PCDHA8: variants seen among roughly 807,000 people sequenced by gnomAD.
The protein encoded by PCDHA8 is protocadherin alpha 8.
A neutral mutation model predicts 61.8 loss-of-function variants in PCDHA8; 53 were observed. The observed-to-expected ratio is 0.86, with a 90% CI of 0.69 to 1.08. The LOEUF (loss-of-function observed/expected upper bound fraction) is 1.08, where lower values mean the gene tolerates loss of function less well. PCDHA8 is among the 50% of genes least tolerant of loss of function. The pLI is 0.00. For missense variants in PCDHA8, 1,293 were observed against 1,245.0 expected (o/e 1.04, Z -0.58); for synonymous variants, 618 against 556.6 (o/e 1.11, Z -1.55).
At chr5:141,000,743 T>TAA (rs527867626) in intron 3 of PCDHA8, among the ~76,000 whole-genome samples, 3 of 145,408 alleles carry the variant, frequency 2.1e-5, no homozygotes, top group Admixed American at 6.9e-5. Context: ...CTCTGTATAT[T>TAA]AAAAAAAAAA....
chr5:140,851,678 C>T, intron 1 of PCDHA8: 1 of 917,638 alleles, frequency 1.1e-6, no homozygotes, highest in Non-Finnish European at 1.3e-6. Context: ...GAAATTTTCT[C>T]CATTCAGTGA....
intron 1 of PCDHA8, among the ~76,000 whole-genome samples, chr5:140,947,600 G>A (rs1328645188): frequency 1.3e-5 from 2 of 151,624 alleles, no homozygotes; most frequent in African/African-American, 4.8e-5. Flanking sequence ...ATTTAGGGAA[G>A]ATTTGGTATC....
Position 140,842,395 on chromosome 5 carries a change from T to C in PCDHA8, c.1074T>C (p.Pro358=). The C allele has an allele frequency of 6.2e-7, 1 of 1,611,538 alleles. No homozygotes were observed. Among genetic ancestry groups the C allele is most frequent in the Non-Finnish European group, 8.5e-7 (1 of 1,177,734 alleles). The change falls in exon 1 of 4, where the codon CCT becomes CCC. Residue 358 remains proline (P), a synonymous_variant. Coordinates refer to ENST00000531613, the MANE Select transcript of PCDHA8 (RefSeq NM_018911.3). ...TAGCACTGACTTCCTTATCCTTGCC[T>C]GTACGTGAAGACGCTCAATTTGGTA... ...PEIALTSLSL[P]VREDAQFGTV... is the part of the protein sequence containing the mutation.
At position 140,924,955 on chromosome 5, in the gene PCDHA8, T is replaced by C. The variant is rs571597374; in HGVS notation, c.2395-53994T>C. Among the ~76,000 whole-genome samples, 96 of 145,332 alleles carry C rather than the reference T, an allele frequency of 6.6e-4. 1 individual carries two copies. The South Asian group carries it at 0.02, about 30-fold the overall frequency. The stretch of plus-strand genomic sequence containing the variant: ...ATAAAATAAAAAGTTAAAAAAAAAA[T>C]GCAAGGTGAGTGCAGTGGCTCATGT... On this transcript the variant is annotated intron_variant, in intron 1 of 3. Transcript: ENST00000531613.
chr5:140,888,586 C>T (rs1408191600), intron 1 of PCDHA8, among the ~76,000 whole-genome samples: 1 of 152,154 alleles, frequency 6.6e-6, no homozygotes, highest in East Asian at 1.9e-4. Flanking sequence ...TTTGTTAGTA[C>T]ACATTCAGAG....
At chr5:140,894,652 A>G (rs578187402) in intron 1 of PCDHA8, among the ~76,000 whole-genome samples, 234 of 151,944 alleles carry the variant, frequency 1.5e-3, no homozygotes, top group African/African-American at 4.9e-3. Flanking sequence ...GAGTCTCTCT[A>G]ATTCTGATTT....
At chr5:140,868,823 G>A (rs576498570) in intron 1 of PCDHA8, 4 of 397,532 alleles carry the variant, frequency 1.0e-5, no homozygotes, top group South Asian at 6.7e-5. Context: ...ATATTTGGGG[G>A]AAGAAACCCA....
chr5:140,853,643 T>C, intron 1 of PCDHA8: 2 of 988,768 alleles, frequency 2.0e-6, no homozygotes, highest in Non-Finnish European at 2.4e-6. Flanking sequence ...AGACCTAAAT[T>C]GAGCCTGTTC....
At chr5:140,921,777 C>G (rs1434211783) in intron 1 of PCDHA8, among the ~76,000 whole-genome samples, 1 of 152,030 alleles carries the variant, frequency 6.6e-6, no homozygotes, top group Non-Finnish European at 1.5e-5. Flanking sequence ...TCAATACTGA[C>G]TTGGATGTTC....
intron 1 of PCDHA8, chr5:140,855,749 C>T (rs2043605580): frequency 3.1e-6 from 1 of 325,346 alleles, no homozygotes. Context: ...TAATGTGAGG[C>T]TTTGAAAGTC....
At position 140,884,762 on chromosome 5, in the gene PCDHA8, A is replaced by T. The variant is rs491169; in HGVS notation, c.2394+41047A>T. 4,163 of 1,423,128 alleles carry T rather than the reference A, an allele frequency of 2.9e-3. 95 individuals carry two copies. The African/African-American group carries it at 0.053, about 18-fold the overall frequency. 88.2% of individuals were successfully genotyped at this position (1,423,128 alleles called of 1,614,324 possible). A position where few individuals can be genotyped will look rare whatever the true frequency, so the allele number is the denominator to read the frequency against. On this transcript the variant is annotated intron_variant, in intron 1 of 3. Coordinates refer to ENST00000531613, the MANE Select transcript of PCDHA8 (RefSeq NM_018911.3). ...TCCTGCCAATTTCAAATTATTCTTT[A>T]CTTTAATTTTAATTTTGCTAGTTGT...
rs576230620 is a variant in PCDHA8 at position 140,948,680 on chromosome 5, T to C, written c.2395-30269T>C. 2.0e-5 allele frequency among the ~76,000 whole-genome samples: 3 copies of C among 151,762 alleles called. No homozygotes were observed. The South Asian group carries it at 6.2e-4, about 31-fold the overall frequency. On this transcript the variant is annotated intron_variant, in intron 1 of 3. Coordinates refer to ENST00000531613, the MANE Select transcript of PCDHA8 (RefSeq NM_018911.3). Reference sequence around the variant, plus strand: ...ATCTGTAGTGATAACATCTTTTTCATTTTTGATATTGGTGATTTGTGTTCT... The same window carrying C: ...ATCTGTAGTGATAACATCTTTTTCACTTTTGATATTGGTGATTTGTGTTCT...
At chr5:140,987,045 C>G (rs1344958949) in intron 3 of PCDHA8, among the ~76,000 whole-genome samples, 1 of 151,982 alleles carries the variant, frequency 6.6e-6, no homozygotes, top group Non-Finnish European at 1.5e-5. Flanking sequence ...GAAACCCCAT[C>G]TCTACTAAAG....
intron 1 of PCDHA8, chr5:140,967,306 C>A (rs1554229415): frequency 1.2e-6 from 2 of 1,612,350 alleles, no homozygotes; most frequent in Non-Finnish European, 1.7e-6. Context: ...TGGGCGCCAA[C>A]TCAGTACAGA....
chr5:140,993,462 TCACA>T (rs3836747), intron 3 of PCDHA8, among the ~76,000 whole-genome samples: 18,508 of 140,892 alleles, frequency 0.13, 1,341 homozygotes, highest in African/African-American at 0.21. Flanking sequence ...TCTTTCTTTC[TCACA>T]CACACACACA....
chr5:140,846,435 C>T (rs1355633400), intron 1 of PCDHA8, among the ~76,000 whole-genome samples: 1 of 133,632 alleles, frequency 7.5e-6, no homozygotes, highest in Non-Finnish European at 1.6e-5. Flanking sequence ...AATGCAGTGG[C>T]GCAATCTCGG....
intron 1 of PCDHA8, among the ~76,000 whole-genome samples, chr5:140,917,793 G>A (rs1405580492): frequency 6.6e-6 from 1 of 152,082 alleles, no homozygotes; most frequent in African/African-American, 2.4e-5. Flanking sequence ...TTTGGTTACT[G>A]TAGCCTTGCA....
intron 1 of PCDHA8, among the ~76,000 whole-genome samples, chr5:140,898,431 A>G (rs1482364069): frequency 6.6e-6 from 1 of 152,182 alleles, no homozygotes; most frequent in East Asian, 1.9e-4. Context: ...TCCCAGCACC[A>G]TTTATTAAAT....
chr5:141,008,654 C>T (rs1554261865), intron 3 of PCDHA8, among the ~76,000 whole-genome samples: 1 of 152,124 alleles, frequency 6.6e-6, no homozygotes, highest in Non-Finnish European at 1.5e-5. Context: ...TTCTGGAGTC[C>T]CACAATACTT....
Sources: gnomAD v4.1 joint callset for allele counts (sites outside exome capture counted in the v4.1 genomes callset) on GRCh38, gnomAD v4.1.1 for gene constraint, MANE v1.5 for transcripts, NCBI Gene and HGNC (gene_info 2026-07-23, HGNC 2026-07-21) for gene names.